ZNF827: variants seen among roughly 807,000 people sequenced by gnomAD.
ZNF827 encodes the protein zinc finger protein 827.
ZNF827 carries 13 observed loss-of-function variants against 102.4 expected under a neutral mutation model. The observed-to-expected ratio is 0.13, with a 90% confidence interval of 0.08 to 0.20. The LOEUF (loss-of-function observed/expected upper bound fraction) is 0.20, where lower values mean the gene tolerates loss of function less well. Ranked by LOEUF, ZNF827 falls within the 10% of genes least tolerant of loss-of-function variation. The probability of loss-of-function intolerance (pLI) is 1.00; values close to 1 mark genes in which losing one functional copy is unlikely to be tolerated. For missense variants in ZNF827, 1,103 were observed against 1,344.4 expected (o/e 0.82, Z 2.81); for synonymous variants, 523 against 536.2 (o/e 0.98, Z 0.34).
intron 7 of ZNF827, among the ~76,000 whole-genome samples, chr4:145,839,883 C>A (rs1745250677): frequency 6.6e-6 from 1 of 152,148 alleles, no homozygotes; most frequent in Non-Finnish European, 1.5e-5. Flanking sequence ...AAGGCACAGC[C>A]CTCTTCAGAT....
At chr4:145,903,918 C>A (rs1291963546) in intron 1 of ZNF827, among the ~76,000 whole-genome samples, 3 of 152,158 alleles carry the variant, frequency 2.0e-5, no homozygotes, top group Non-Finnish European at 4.4e-5. Context: ...ACAGTACCTC[C>A]CATGTTATGC....
At chr4:145,788,820 G>A (rs7686983) in intron 8 of ZNF827, among the ~76,000 whole-genome samples, 144,158 of 152,290 alleles carry the variant, frequency 0.95, 68,276 homozygotes, top group East Asian at 0.97. Context: ...CCATTTATAA[G>A]TCTTTGTTAG....
intron 1 of ZNF827, among the ~76,000 whole-genome samples, chr4:145,920,711 T>C (rs1207801452): frequency 1.3e-5 from 2 of 152,242 alleles, no homozygotes; most frequent in African/African-American, 2.4e-5. Flanking sequence ...AACTTCTTTG[T>C]TTATTCATTC....
At position 145,902,553 on chromosome 4, in the gene ZNF827, G is replaced by C. The variant is rs765679883; in HGVS notation, c.706C>G (p.Arg236Gly). The change falls in exon 2 of 15, where the codon CGA (arginine) becomes GGA (glycine). Residue 236 changes from arginine (R) to glycine (G), a missense_variant. Arg to Gly is a moderately radical substitution (Grantham distance 125). This residue lies in a region of ZNF827 where 441 missense variants were observed against 458.6 expected (regional missense o/e 0.96). Transcript: ENST00000508784. The surrounding 1 kb of genome is among the most constrained non-coding windows in gnomAD (Gnocchi z 4.3). The part of the protein sequence containing the change: ...KSLTRTEETM[R>G]FESFSSPFSS... ...AAAGGGGAGGAAAAGGACTCAAATC[G>C]CATGGTCTCCTCAGTCCTGGTGAGA... 2 of 1,614,122 alleles carry C rather than the reference G, an allele frequency of 1.2e-6. No homozygotes were observed. The highest frequency in any genetic ancestry group is 2.2e-5 in the South Asian group (2 of 91,072).
chr4:145,835,679 A>G (rs1392599403), intron 7 of ZNF827, among the ~76,000 whole-genome samples: 1 of 144,578 alleles, frequency 6.9e-6, no homozygotes, highest in Non-Finnish European at 1.5e-5. Context: ...GCGACCGATC[A>G]TGCACCCCTT....
intron 8 of ZNF827, among the ~76,000 whole-genome samples, chr4:145,815,185 C>G (rs928943897): frequency 6.6e-6 from 1 of 152,012 alleles, no homozygotes; most frequent in African/African-American, 2.4e-5. Flanking sequence ...AGTTTGAAGC[C>G]CTTTGGACTG....
Position 145,761,437 on chromosome 4 carries a change from T to C in ZNF827, c.*179A>G. On this transcript the variant is annotated 3_prime_UTR_variant, in exon 15 of 15. Coordinates refer to ENST00000508784, the MANE Select transcript of ZNF827 (RefSeq NM_001306215.2). The surrounding 1 kb of genome is among the most constrained non-coding windows in gnomAD (Gnocchi z 6.8). The stretch of plus-strand genomic sequence containing the variant: ...CAGGTAGCCGCACTGGTCGCACTTG[T>C]AGTGGTTGCCCAGGCGGTGCTCCCG... The C allele has an allele frequency of 7.8e-7, 1 of 1,289,840 alleles. No homozygotes were observed. The highest frequency in any genetic ancestry group is 1.0e-6 in the Non-Finnish European group (1 of 988,876). 79.9% of individuals were successfully genotyped at this position (1,289,840 alleles called of 1,614,324 possible).
Position 145,892,414 on chromosome 4 carries a change from G to A in ZNF827, c.1095C>T (p.Ala365=), listed in dbSNP as rs1313339960. 1 of 1,610,050 alleles carries A rather than the reference G, an allele frequency of 6.2e-7. No individual in the cohort carries two copies. The highest frequency in any genetic ancestry group is 8.5e-7 in the Non-Finnish European group (1 of 1,177,928). Residue 365 remains alanine (A), a splice_region_variant and synonymous_variant, in exon 3 of 15, where the codon GCC becomes GCT. Transcript: ENST00000508784. The part of the protein sequence containing the change: ...KGRVSKPSNS[A]SEEESGKPFQ... ...AAGGCTTTCCACTTTCCTCTTCTGA[G>A]GCTTGGAAGAAGGAGAAAGAAAGGA... is the stretch of plus-strand genomic sequence containing the variant.
intron 9 of ZNF827, 104 bp downstream of exon 9, chr4:145,779,270 C>T: frequency 1.4e-6 from 2 of 1,428,948 alleles, no homozygotes; most frequent in Non-Finnish European, 1.9e-6. Flanking sequence ...CAGCCATTCC[C>T]AGCACTTCCT....
rs1312293704 is a variant in ZNF827, at chr4:145,761,385, C to T, written c.*231G>A. The T allele has an allele frequency of 3.1e-6, 4 of 1,289,784 alleles. No individual in the cohort carries two copies. The highest frequency in any genetic ancestry group is 3.0e-6 in the Non-Finnish European group (3 of 988,888). The allele number at this position is 1,289,784 out of a possible 1,614,324, so 79.9% of individuals were successfully genotyped here. A position where few individuals can be genotyped will look rare whatever the true frequency, so the allele number is the denominator to read the frequency against. ...GCTCCCCGGTGTGGACGCGCACGTG[C>T]TCGATGAGCTTGTTGGCGGTCTTGG... On this transcript the variant is annotated 3_prime_UTR_variant, in exon 15 of 15. Coordinates refer to ENST00000508784, the MANE Select transcript of ZNF827 (RefSeq NM_001306215.2). This position sits in a 1 kb window ranked among gnomAD's most constrained non-coding sequence, Gnocchi z 6.8.
chr4:145,765,836 C>G lies in ZNF827; in HGVS notation c.2861-98G>C, dbSNP rs577125962. The G allele has an allele frequency of 8.0e-7, 1 of 1,255,334 alleles. No individual in the cohort carries two copies. Among genetic ancestry groups the G allele is most frequent in the Non-Finnish European group, 1.1e-6 (1 of 910,186 alleles). The allele number at this position is 1,255,334 out of a possible 1,614,324, so 77.8% of individuals were successfully genotyped here. A position where few individuals can be genotyped will look rare whatever the true frequency, so the allele number is the denominator to read the frequency against. On this transcript the variant is annotated intron_variant, in intron 11 of 14. Coordinates refer to ENST00000508784, the MANE Select transcript of ZNF827 (RefSeq NM_001306215.2). The surrounding 1 kb of genome is among the most constrained non-coding windows in gnomAD (Gnocchi z 4.7). ...GAGTTGAGTCTCATGGATGCATCAT[C>G]ATTCTGGGGGCACAGGCTCATGTCC...
intron 1 of ZNF827, among the ~76,000 whole-genome samples, chr4:145,903,688 A>T (rs1751606852): frequency 6.6e-6 from 1 of 152,238 alleles, no homozygotes; most frequent in Admixed American, 6.5e-5. Context: ...TAGGCAAGTC[A>T]CTGAGCTGGT....
intron 5 of ZNF827, among the ~76,000 whole-genome samples, chr4:145,867,842 A>T (rs937319137): frequency 1.3e-5 from 2 of 152,206 alleles, no homozygotes; most frequent in African/African-American, 4.8e-5. Flanking sequence ...GCCCTGTCCA[A>T]CTACACAGAC....
Position 145,862,550 on chromosome 4 carries a change from G to A in ZNF827, c.1981+7695C>T, listed in dbSNP as rs188185023. Among the ~76,000 whole-genome samples the A allele has an allele frequency of 1.2e-3, 177 of 152,064 alleles. 1 individual carries two copies. Among genetic ancestry groups the A allele is most frequent in the African/African-American group, 3.8e-3 (158 of 41,476 alleles). ...TATATATATATATAAAATTGCTCAC[G>A]GTGTGTATGGCAATGAGGAAAGTGA... On this transcript the variant is annotated intron_variant, in intron 5 of 14. Coordinates refer to ENST00000508784, the MANE Select transcript of ZNF827 (RefSeq NM_001306215.2).
intron 6 of ZNF827, among the ~76,000 whole-genome samples, chr4:145,847,788 T>A (rs28702961): frequency 0.38 from 57,934 of 152,096 alleles, 11,498 homozygotes; most frequent in African/African-American, 0.48. Flanking sequence ...AATCTCTTAA[T>A]CTTGTGGATT....
intron 8 of ZNF827, among the ~76,000 whole-genome samples, chr4:145,814,868 G>A (rs573769811): frequency 4.0e-4 from 61 of 152,224 alleles, no homozygotes; most frequent in African/African-American, 1.5e-3. Flanking sequence ...TTGAACCTGG[G>A]AGGTGGAGGA....
At chr4:145,851,883 T>C (rs1461127772) in intron 5 of ZNF827, among the ~76,000 whole-genome samples, 6 of 152,214 alleles carry the variant, frequency 3.9e-5, no homozygotes, top group Non-Finnish European at 7.3e-5. Flanking sequence ...TTCATCTGAT[T>C]CTTCCTGGAG....
intron 4 of ZNF827, among the ~76,000 whole-genome samples, chr4:145,878,019 T>G (rs1332360612): frequency 6.6e-6 from 1 of 152,218 alleles, no homozygotes; most frequent in African/African-American, 2.4e-5. Context: ...CCAACCTTTT[T>G]CAGGAAAGTC....
chr4:145,806,584 T>C (rs934648316), intron 8 of ZNF827, among the ~76,000 whole-genome samples: 3 of 151,920 alleles, frequency 2.0e-5, no homozygotes, highest in Admixed American at 6.5e-5. Flanking sequence ...AACATCTCTG[T>C]ATTCTTCGAC....
Sources: gnomAD v4.1 joint callset for allele counts (sites outside exome capture counted in the v4.1 genomes callset) on GRCh38, gnomAD v4.1.1 for gene constraint, gnomAD v4.1.1 regional missense constraint, Gnocchi (gnomAD v3.1) non-coding constraint, MANE v1.5 for transcripts, NCBI Gene and HGNC (gene_info 2026-07-23, HGNC 2026-07-21) for gene names.